WASF2: variants seen among roughly 807,000 people sequenced by gnomAD.
WASF2 encodes actin-binding protein WASF2.
A neutral mutation model predicts 45.0 loss-of-function variants in WASF2; 14 were observed. The ratio of observed to expected loss-of-function variants is 0.31; its 90% CI spans 0.21 to 0.49. The LOEUF (loss-of-function observed/expected upper bound fraction) is 0.49. WASF2 is among the 20% of genes least tolerant of loss of function. The pLI is 0.99. For missense variants in WASF2, 439 were observed against 636.1 expected, an observed-to-expected ratio of 0.69 and a Z score of 3.33; for synonymous variants, 200 against 236.3, an observed-to-expected ratio of 0.85 and a Z score of 1.41.
chr1:27,408,172 G>A lies in WASF2; in HGVS notation c.*17C>T. On this transcript the variant is annotated 3_prime_UTR_variant, in exon 9 of 9. Transcript: ENST00000618852. Reference sequence around the variant, plus strand: ...TAGGAAGGAAAGAAAAAGAAGGTGGGCAGCAGGCAGAAAGAGTTAATCGGA... The same window carrying A: ...TAGGAAGGAAAGAAAAAGAAGGTGGACAGCAGGCAGAAAGAGTTAATCGGA... 1 of 1,604,564 alleles carries A rather than the reference G, an allele frequency of 6.2e-7. No individual in the cohort carries two copies. Among genetic ancestry groups the A allele is most frequent in the Non-Finnish European group, 8.5e-7 (1 of 1,172,754 alleles).
chr1:27,439,193 TAA>T (rs2017175526), intron 1 of WASF2, among the ~76,000 whole-genome samples: 1 of 152,230 alleles, frequency 6.6e-6, no homozygotes, highest in East Asian at 1.9e-4. Context: ...CCTAGCCTGT[TAA>T]ATCATTATCA....
intron 1 of WASF2, among the ~76,000 whole-genome samples, chr1:27,454,179 ATATATATATTTTTTTT>A (rs1557612393): frequency 0.028 from 288 of 10,280 alleles, no homozygotes; most frequent in African/African-American, 0.043. Context: ...ATATATATAT[ATATATATATTTTTTTT>A]TTTTTTTTTT....
chr1:27,465,592 C>T (rs999716938), intron 1 of WASF2, among the ~76,000 whole-genome samples: 15 of 152,188 alleles, frequency 9.9e-5, no homozygotes, highest in African/African-American at 3.4e-4. Context: ...ATGACCCCTA[C>T]AGTATAAGCT....
At chr1:27,438,940 C>T (rs1425211165) in intron 1 of WASF2, among the ~76,000 whole-genome samples, 2 of 152,226 alleles carry the variant, frequency 1.3e-5, no homozygotes, top group Non-Finnish European at 2.9e-5. Context: ...CCTCTCACAA[C>T]ATTCAGTCAG....
At chr1:27,454,177 ATATATATATATTTTTTTTTT>A (rs1294123409) in intron 1 of WASF2, among the ~76,000 whole-genome samples, 10 of 19,928 alleles carry the variant, frequency 5.0e-4, no homozygotes, top group African/African-American at 1.3e-3. Flanking sequence ...ATATATATAT[ATATATATATATTTTTTTTTT>A]TTTTTTTTTT....
chr1:27,423,531 A>G (rs1465929146), intron 2 of WASF2, among the ~76,000 whole-genome samples: 1 of 152,186 alleles, frequency 6.6e-6, no homozygotes, highest in African/African-American at 2.4e-5. Flanking sequence ...TATAATTCCA[A>G]TCAGTAATTT....
At chr1:27,472,081 G>A (rs1443439157) in intron 1 of WASF2, among the ~76,000 whole-genome samples, 5 of 152,040 alleles carry the variant, frequency 3.3e-5, no homozygotes, top group Non-Finnish European at 7.4e-5. Context: ...GCCTGTAATC[G>A]CGGTACTTTC....
intron 1 of WASF2, among the ~76,000 whole-genome samples, chr1:27,436,266 C>T (rs1051969431): frequency 2.0e-5 from 3 of 152,046 alleles, no homozygotes; most frequent in African/African-American, 7.2e-5. Context: ...GGCAATATAG[C>T]CAGACCTCAT....
intron 1 of WASF2, among the ~76,000 whole-genome samples, chr1:27,444,056 G>A (rs2017281365): frequency 6.6e-6 from 1 of 152,128 alleles, no homozygotes; most frequent in Admixed American, 6.6e-5. Context: ...TGGGATTACA[G>A]GCATGAGCCA....
Position 27,412,554 on chromosome 1 carries a change from G to A in WASF2, c.824+18C>T, listed in dbSNP as rs1384341972. ...TGTATAACTACCAATAGTGGATGGAGTAGGTACCACCATTTACCTGAATTC... is the reference window on the plus strand; with the variant it reads ...TGTATAACTACCAATAGTGGATGGAATAGGTACCACCATTTACCTGAATTC... On this transcript the variant is annotated intron_variant, in intron 7 of 8. Transcript: ENST00000618852. 1 of 1,613,902 alleles carries A rather than the reference G, an allele frequency of 6.2e-7. No homozygotes were observed. The highest frequency in any genetic ancestry group is 8.5e-7 in the Non-Finnish European group (1 of 1,179,882).
At chr1:27,433,541 T>C (rs974509978) in intron 1 of WASF2, among the ~76,000 whole-genome samples, 2 of 152,232 alleles carry the variant, frequency 1.3e-5, no homozygotes, top group African/African-American at 2.4e-5. Context: ...ATTTGCATTT[T>C]AGACAAATCA....
intron 1 of WASF2, among the ~76,000 whole-genome samples, chr1:27,468,285 G>A (rs2017642002): frequency 6.6e-6 from 1 of 152,028 alleles, no homozygotes; most frequent in Non-Finnish European, 1.5e-5. Flanking sequence ...GTCCAGAACG[G>A]GAGAATTACA....
chr1:27,441,782 C>A (rs1186008785), intron 1 of WASF2, among the ~76,000 whole-genome samples: 1 of 144,174 alleles, frequency 6.9e-6, no homozygotes, highest in Non-Finnish European at 1.5e-5. Flanking sequence ...AAAAATTAGC[C>A]GGGCGTGATG....
intron 1 of WASF2, among the ~76,000 whole-genome samples, chr1:27,474,699 G>C (rs2017741030): frequency 6.6e-6 from 1 of 151,812 alleles, no homozygotes; most frequent in Non-Finnish European, 1.5e-5. Flanking sequence ...CTAAACCCAG[G>C]AGGCAGAGGT....
intron 1 of WASF2, among the ~76,000 whole-genome samples, chr1:27,470,324 C>A (rs1237839775): frequency 1.3e-5 from 2 of 152,058 alleles, no homozygotes; most frequent in African/African-American, 4.8e-5. Context: ...AAACTATACA[C>A]CTCACCTAAG....
At chr1:27,454,821 C>T (rs1174486189) in intron 1 of WASF2, among the ~76,000 whole-genome samples, 1 of 152,070 alleles carries the variant, frequency 6.6e-6, no homozygotes, top group Non-Finnish European at 1.5e-5. Flanking sequence ...ATTGTAGGAA[C>T]ATATCATGAT....
intron 1 of WASF2, among the ~76,000 whole-genome samples, chr1:27,469,558 T>G (rs576818882): frequency 6.6e-6 from 1 of 152,144 alleles, no homozygotes; most frequent in African/African-American, 2.4e-5. Context: ...TTGTAGAAGA[T>G]GCACAGAAAT....
chr1:27,444,987 T>C (rs529377449), intron 1 of WASF2, among the ~76,000 whole-genome samples: 20 of 152,332 alleles, frequency 1.3e-4, no homozygotes, highest in Non-Finnish European at 2.4e-4. Context: ...CTGAACCTCT[T>C]TTATAGCAGT....
At chr1:27,412,546 T>C (rs776749586) in intron 7 of WASF2, 26 bp downstream of exon 7, 5 of 1,613,688 alleles carry the variant, frequency 3.1e-6, no homozygotes, top group Non-Finnish European at 4.2e-6. Flanking sequence ...CTACCAATAG[T>C]GGATGGAGTA....
Sources: allele counts gnomAD v4.1 joint callset (sites outside exome capture counted in the v4.1 genomes callset), GRCh38; gene constraint gnomAD v4.1.1; transcripts MANE v1.5; gene names NCBI Gene and HGNC (gene_info 2026-07-23, HGNC 2026-07-21).